The following EMB variants were observed in gnomAD, a reference collection of about 807,000 sequenced individuals.
EMB encodes embigin homolog.
Under a neutral mutation model 41.4 loss-of-function variants are expected in EMB, and 31 were observed. The ratio of observed to expected loss-of-function variants is 0.75; its 90% confidence interval spans 0.56 to 1.01. The LOEUF (loss-of-function observed/expected upper bound fraction) is 1.01, where lower values mean the gene tolerates loss of function less well. EMB is among the 50% of genes least tolerant of loss of function. The pLI is 0.00. For missense variants in EMB, 379 were observed against 388.3 expected (o/e 0.98, Z 0.20); for synonymous variants, 137 against 140.4 (o/e 0.98, Z 0.17).
intron 1 of EMB, among the ~76,000 whole-genome samples, chr5:50,437,298 A>G (rs186093195): frequency 3.3e-5 from 5 of 152,276 alleles, no homozygotes; most frequent in East Asian, 1.9e-4. Flanking sequence ...ATGAATGAAT[A>G]AATAAATAAA....
rs533676217 is a variant in EMB at position 50,422,694 on chromosome 5, C to T, written c.196+5450G>A. Among the ~76,000 whole-genome samples, 47 of 152,180 alleles carry T rather than the reference C, an allele frequency of 3.1e-4. 2 individuals are homozygous for T. Among genetic ancestry groups the T allele is most frequent in the African/African-American group, 1.1e-3 (47 of 41,504 alleles). On this transcript the variant is annotated intron_variant, in intron 2 of 8. Coordinates refer to ENST00000303221, the MANE Select transcript of EMB (RefSeq NM_198449.3). Reference sequence around the variant, plus strand: ...GAAATATAATGAAACTTCTTCACAACTAAAAAACACCACATAAAAGTTTAA... The same window carrying T: ...GAAATATAATGAAACTTCTTCACAATTAAAAAACACCACATAAAAGTTTAA...
chr5:50,433,620 C>T (rs755581292), intron 1 of EMB, among the ~76,000 whole-genome samples: 1 of 152,142 alleles, frequency 6.6e-6, no homozygotes, highest in African/African-American at 2.4e-5. Context: ...CCGCAGGAGA[C>T]ATTTGGCAAT....
chr5:50,424,938 G>A (rs1197493923), intron 2 of EMB, among the ~76,000 whole-genome samples: 1 of 152,050 alleles, frequency 6.6e-6, no homozygotes, highest in South Asian at 2.1e-4. Flanking sequence ...GCTATGGGTA[G>A]ATCCCTCTTC....
chr5:50,429,997 TCTCTCTCTCA>T (rs1480722428), intron 1 of EMB, among the ~76,000 whole-genome samples: 2 of 113,688 alleles, frequency 1.8e-5, no homozygotes, highest in African/African-American at 3.4e-5. Flanking sequence ...TCTCTCTCTC[TCTCTCTCTCA>T]CACACACACA....
At position 50,428,162 on chromosome 5, in the gene EMB, G is replaced by C; in HGVS notation, c.178C>G (p.His60Asp). The change falls in exon 2 of 9, where the codon CAT becomes GAT. Residue 60 changes from histidine to aspartate, a missense_variant. Transcript: ENST00000303221. ...IMANNFSLES[H>D]NISLTEHSSM... Reference sequence around the variant, plus strand: ...CATTTACCAGTCAGTGATATGTTATGACTCTCCAAGGAAAAGTTATTTGCC... The same window carrying C: ...CATTTACCAGTCAGTGATATGTTATCACTCTCCAAGGAAAAGTTATTTGCC... 1.2e-6 allele frequency: 2 copies of C among 1,609,156 alleles called. No homozygotes were observed. The highest frequency in any genetic ancestry group is 1.7e-6 in the Non-Finnish European group (2 of 1,176,040).
At chr5:50,436,514 G>A (rs559845832) in intron 1 of EMB, among the ~76,000 whole-genome samples, 16 of 152,170 alleles carry the variant, frequency 1.1e-4, no homozygotes, top group Admixed American at 2.0e-4. Flanking sequence ...AACCTCCATC[G>A]CTGGTCTGAC....
upstream of EMB, chr5:50,443,315 G>A (rs141622956): frequency 5.5e-4 from 83 of 152,284 alleles, 1 homozygote; most frequent in African/African-American, 1.8e-3. Context: ...TGACCTTCTG[G>A]GCTCAAGACG....
At chr5:50,432,922 C>CA (rs1333455015) in intron 1 of EMB, among the ~76,000 whole-genome samples, 2 of 151,716 alleles carry the variant, frequency 1.3e-5, no homozygotes, top group Admixed American at 1.3e-4. Flanking sequence ...ACTAAAAATA[C>CA]AAAAAATTAG....
chr5:50,406,674 A>G (rs1745254611), intron 4 of EMB, among the ~76,000 whole-genome samples: 1 of 151,924 alleles, frequency 6.6e-6, no homozygotes, highest in Non-Finnish European at 1.5e-5. Context: ...GAAGATGTAG[A>G]CTCATCAACT....
At chr5:50,417,470 T>C (rs1303519527) in intron 2 of EMB, among the ~76,000 whole-genome samples, 2 of 152,218 alleles carry the variant, frequency 1.3e-5, no homozygotes, top group Non-Finnish European at 2.9e-5. Context: ...GTTTATTAAG[T>C]GATCCTATCA....
chr5:50,428,261 T>A lies in EMB; in HGVS notation c.113-34A>T, dbSNP rs770355348. The A allele has an allele frequency of 4.1e-5, 61 of 1,490,768 alleles. 2 individuals carry two copies. In the South Asian group the frequency reaches 6.1e-4, roughly 15 times the overall value. 92.3% of individuals were successfully genotyped at this position (1,490,768 alleles called of 1,614,324 possible). Reference sequence around the variant, plus strand: ...GAAAGAACACATGATTACACACTCTTATCAAGAGTAAATGACTATCTAAAA... The same window carrying A: ...GAAAGAACACATGATTACACACTCTAATCAAGAGTAAATGACTATCTAAAA... On this transcript the variant is annotated intron_variant, in intron 1 of 8. Coordinates refer to ENST00000303221, the MANE Select transcript of EMB (RefSeq NM_198449.3).
chr5:50,425,747 A>C (rs1055564425), intron 2 of EMB, among the ~76,000 whole-genome samples: 1 of 76,302 alleles, frequency 1.3e-5, no homozygotes, highest in Non-Finnish European at 2.4e-5. Context: ...GCAGTGGCAC[A>C]ATCTCGGCTC....
At position 50,398,270 on chromosome 5, in the gene EMB, A is replaced by G. The variant is rs1249720766; in HGVS notation, c.*1003T>C. 6.6e-6 allele frequency: 1 copy of G among 151,974 alleles called. No individual in the cohort carries two copies. 9.4% of individuals were successfully genotyped at this position (151,974 alleles called of 1,614,324 possible). On this transcript the variant is annotated 3_prime_UTR_variant, in exon 9 of 9. Coordinates refer to ENST00000303221, the MANE Select transcript of EMB (RefSeq NM_198449.3). ...ATAAAATATTTCAGTTATATATGCA[A>G]TAGAAACGAAGTATCCTATTTTGGA...
chr5:50,423,568 T>C (rs572667295), intron 2 of EMB, among the ~76,000 whole-genome samples: 6 of 152,214 alleles, frequency 3.9e-5, no homozygotes, highest in Non-Finnish European at 8.8e-5. Context: ...TGTGCTTGTT[T>C]TTTATATTTT....
At position 50,402,329 on chromosome 5, in the gene EMB, A is replaced by G; in HGVS notation, c.878-10T>C. ...AATTCTTTCCCCTCATCTGTGTAAC[A>G]AAAGAAGAATTTGACTGTGAAGTTG... is the stretch of plus-strand genomic sequence containing the variant. On this transcript the variant is annotated splice_polypyrimidine_tract_variant and intron_variant, in intron 6 of 8. Coordinates refer to ENST00000303221, the MANE Select transcript of EMB (RefSeq NM_198449.3). 1 of 1,609,146 alleles carries G rather than the reference A, an allele frequency of 6.2e-7. No homozygotes were observed. Among genetic ancestry groups the G allele is most frequent in the Non-Finnish European group, 8.5e-7 (1 of 1,176,452 alleles).
chr5:50,415,971 C>A (rs1745423726), intron 2 of EMB, among the ~76,000 whole-genome samples: 1 of 152,140 alleles, frequency 6.6e-6, no homozygotes. Flanking sequence ...ACTTAAAGTG[C>A]AACACAGTTT....
rs1561128214 is a variant in EMB, at chr5:50,396,931, T to G, written c.*2342A>C. 1 of 152,146 alleles carries G rather than the reference T, an allele frequency of 6.6e-6. No homozygotes were observed. The highest frequency in any genetic ancestry group is 1.5e-5 in the Non-Finnish European group (1 of 68,018). 9.4% of individuals were successfully genotyped at this position (152,146 alleles called of 1,614,324 possible). On this transcript the variant is annotated 3_prime_UTR_variant, in exon 9 of 9. Transcript: ENST00000303221. Reference sequence around the variant, plus strand: ...AAGAAGAAAATATCAGAATGAGTTCTAAATTAGGGCCTGAGCAGCTAGATG... The same window carrying G: ...AAGAAGAAAATATCAGAATGAGTTCGAAATTAGGGCCTGAGCAGCTAGATG...
intron 8 of EMB, 122 bp from the exon 9 acceptor site, chr5:50,399,412 C>T: frequency 7.2e-7 from 1 of 1,379,732 alleles, no homozygotes; most frequent in Non-Finnish European, 9.7e-7. Flanking sequence ...ACTGCCAAAA[C>T]AGAGCTCCTA....
chr5:50,437,224 G>A (rs1225515027), intron 1 of EMB, among the ~76,000 whole-genome samples: 2 of 152,166 alleles, frequency 1.3e-5, no homozygotes, highest in Non-Finnish European at 2.9e-5. Flanking sequence ...TGAGCCATGA[G>A]TGTGCCTCGG....
Sources: gnomAD v4.1 joint callset for allele counts (sites outside exome capture counted in the v4.1 genomes callset) on GRCh38, gnomAD v4.1.1 for gene constraint, MANE v1.5 for transcripts, NCBI Gene and HGNC (gene_info 2026-07-23, HGNC 2026-07-21) for gene names.